Variants in FCRL5 observed in about 807,000 individuals in gnomAD.
FCRL5 encodes Fc receptor-like protein 5.
Under a neutral mutation model 92.1 loss-of-function variants are expected in FCRL5, and 79 were observed. The observed-to-expected ratio is 0.86, with a 90% CI of 0.72 to 1.03. FCRL5 has a LOEUF of 1.03. Among genes scored for constraint, FCRL5 ranks in the 50% least tolerant of loss-of-function variants. The probability of loss-of-function intolerance (pLI) is 0.00; values close to 1 mark genes in which losing one functional copy is unlikely to be tolerated. For missense variants in FCRL5, 1,160 were observed against 1,181.1 expected (o/e 0.98, Z 0.26); for synonymous variants, 466 against 469.3 (o/e 0.99, Z 0.09).
At position 157,544,539 on chromosome 1, in the gene FCRL5, A is replaced by T. The variant is rs1284317422; in HGVS notation, c.567T>A (p.Phe189Leu). The change falls in exon 5 of 17, where the codon TTT becomes TTA. Residue 189 changes from phenylalanine to leucine, a missense_variant. By Grantham distance (22) the Phe-to-Leu change is conservative (BLOSUM62 0). Transcript: ENST00000361835. ...AGCTGGCTCTCAGCACTGGACGTGT[A>T]AATGGCTCTAGAGAGAAGAATCACA... ...NTVKIQVQEP[F>L]TRPVLRASSF... 1.2e-6 allele frequency: 2 copies of T among 1,613,848 alleles called. No homozygotes were observed. The highest frequency in any genetic ancestry group is 1.7e-5 in the Admixed American group (1 of 60,034).
At chr1:157,516,558 A>G (rs1039012284) in intron 15 of FCRL5, among the ~76,000 whole-genome samples, 1 of 152,262 alleles carries the variant, frequency 6.6e-6, no homozygotes. Context: ...TATAAGTGCT[A>G]CAGGTATAGT....
Position 157,527,827 on chromosome 1 carries a change from C to G in FCRL5, c.1750G>C (p.Glu584Gln). The change falls in exon 9 of 17, where the codon GAG (glutamate) becomes CAG (glutamine). Residue 584 changes from glutamate to glutamine, a missense_variant. By Grantham distance (29) the Glu-to-Gln change is conservative. Coordinates refer to ENST00000361835, the MANE Select transcript of FCRL5 (RefSeq NM_031281.3). ...RAQAVVGDLL[E>Q]LHCEAPRGSP... is the part of the protein sequence containing the mutation. ...CCTCTCGGGGCCTCACAGTGAAGCT[C>G]CAGCAGGTCCCCCACCACAGCCTGG... 6.2e-7 allele frequency: 1 copy of G among 1,612,512 alleles called. No individual in the cohort carries two copies. The highest frequency in any genetic ancestry group is 8.5e-7 in the Non-Finnish European group (1 of 1,179,032).
intron 6 of FCRL5, among the ~76,000 whole-genome samples, chr1:157,540,599 C>A (rs1651216999): frequency 6.6e-6 from 1 of 151,584 alleles, no homozygotes; most frequent in Admixed American, 6.6e-5. Flanking sequence ...GTCGGTTTCT[C>A]CGCCTTTCTG....
chr1:157,528,699 G>T (rs1010122790), intron 8 of FCRL5: 1 of 152,122 alleles, frequency 6.6e-6, no homozygotes, highest in African/African-American at 2.4e-5. Flanking sequence ...AAACAAAAAT[G>T]TAAAGTGAGG....
intron 8 of FCRL5, 54 bp downstream of exon 8, chr1:157,534,560 G>A (rs1650856399): frequency 1.2e-6 from 2 of 1,603,966 alleles, no homozygotes; most frequent in African/African-American, 2.7e-5. Flanking sequence ...TTAAAGGAAT[G>A]GGTGAGAGAG....
In FCRL5 at chr1:157,521,277, G is replaced by T. The variant is rs187912514; in HGVS notation, c.2255C>A (p.Pro752Gln). 1.2e-6 allele frequency: 2 copies of T among 1,608,792 alleles called. No homozygotes were observed. The highest frequency in any genetic ancestry group is 2.7e-5 in the African/African-American group (2 of 74,588). The part of the protein sequence containing the change: ...TLKVAVPVSR[P>Q]VLTLRAPGTH... ...CCCGGGAGCCCTGAGGGTGAGGACC[G>T]GGCGAGACACCGGAACTGAAAGAGA... Residue 752 changes from proline (P) to glutamine (Q), a missense_variant, in exon 11 of 17, where the codon CCG (proline) becomes CAG (glutamine). Coordinates refer to ENST00000361835, the MANE Select transcript of FCRL5 (RefSeq NM_031281.3).
intron 1 of FCRL5, among the ~76,000 whole-genome samples, chr1:157,550,508 C>G (rs1651765799): frequency 6.6e-6 from 1 of 152,116 alleles, no homozygotes; most frequent in Admixed American, 6.5e-5. Context: ...TTATTTAGAC[C>G]TGATGCTCAG....
chr1:157,523,920 C>T (rs772804030), intron 10 of FCRL5: 11 of 341,244 alleles, frequency 3.2e-5, no homozygotes, highest in South Asian at 1.1e-4. Flanking sequence ...GAGAAGAATC[C>T]GGACAAGAAA....
intron 2 of FCRL5, among the ~76,000 whole-genome samples, 160 bp downstream of exon 2, chr1:157,549,400 C>G (rs1241922352): frequency 1.3e-5 from 2 of 151,928 alleles, no homozygotes; most frequent in African/African-American, 4.8e-5. Context: ...CAAACCTGCA[C>G]GTTGTGCACA....
rs1186571189 is a variant in FCRL5 at position 157,514,982 on chromosome 1, G to A, written c.*693C>T. Reference sequence around the variant, plus strand: ...TGGTCCTCCTGGCCTTGACTTGCTGGGTTACTTCTGTTAGGATGGGAAGAA... The same window carrying A: ...TGGTCCTCCTGGCCTTGACTTGCTGAGTTACTTCTGTTAGGATGGGAAGAA... On this transcript the variant is annotated 3_prime_UTR_variant, in exon 17 of 17. Coordinates refer to ENST00000361835, the MANE Select transcript of FCRL5 (RefSeq NM_031281.3). The A allele has an allele frequency of 6.5e-6, 1 of 153,860 alleles. No individual in the cohort carries two copies. Among genetic ancestry groups the A allele is most frequent in the Admixed American group, 6.4e-5 (1 of 15,594 alleles). 9.5% of individuals were successfully genotyped at this position (153,860 alleles called of 1,614,324 possible). A position where few individuals can be genotyped will look rare whatever the true frequency, so the allele number is the denominator to read the frequency against.
intron 7 of FCRL5, 94 bp downstream of exon 7, chr1:157,538,990 CAG>C: frequency 3.0e-6 from 4 of 1,336,118 alleles, no homozygotes; most frequent in South Asian, 2.8e-5. Flanking sequence ...AAGAAAGAAA[CAG>C]AGGATACTAG....
intron 2 of FCRL5, 21 bp from the exon 3 acceptor site, chr1:157,547,218 G>A (rs781286417): frequency 1.2e-6 from 2 of 1,612,180 alleles, no homozygotes; most frequent in Non-Finnish European, 1.7e-6. Context: ...AAGAGAAAAG[G>A]AGTCTGAGGT....
intron 8 of FCRL5, among the ~76,000 whole-genome samples, chr1:157,531,716 G>T (rs1650705239): frequency 6.6e-6 from 1 of 152,094 alleles, no homozygotes; most frequent in African/African-American, 2.4e-5. Context: ...AATTATCCAG[G>T]CACAGAGAGA....
At chr1:157,538,459 G>C (rs534687801) in intron 7 of FCRL5, among the ~76,000 whole-genome samples, 2 of 152,312 alleles carry the variant, frequency 1.3e-5, no homozygotes, top group Admixed American at 1.3e-4. Flanking sequence ...CCTTTTTGAT[G>C]TCATAACTAT....
In FCRL5 at chr1:157,527,635, T is replaced by C. The variant is rs764389459; in HGVS notation, c.1942A>G (p.Ile648Val). 1.2e-6 allele frequency: 2 copies of C among 1,610,382 alleles called. No individual in the cohort carries two copies. The highest frequency in any genetic ancestry group is 1.3e-5 in the African/African-American group (1 of 74,844). Residue 648 changes from isoleucine (I) to valine (V), a missense_variant, in exon 9 of 17, where the codon ATA becomes GTA. By Grantham distance (29) the Ile-to-Val change is conservative (BLOSUM62 3). Coordinates refer to ENST00000361835, the MANE Select transcript of FCRL5 (RefSeq NM_031281.3). ...NGLVAQHSDTISLSVIVPVSR... is the reference protein window; with the variant it reads ...NGLVAQHSDTVSLSVIVPVSR... Reference sequence around the variant, plus strand: ...AACTTACCTATAACACTGAGTGATATTGTGTCACTGTGCTGGGCCACTAGG... The same window carrying C: ...AACTTACCTATAACACTGAGTGATACTGTGTCACTGTGCTGGGCCACTAGG...
chr1:157,543,236 T>G, intron 5 of FCRL5, 99 bp from the exon 6 acceptor site: 3 of 1,207,098 alleles, frequency 2.5e-6, no homozygotes, highest in Non-Finnish European at 1.2e-6. Flanking sequence ...TCTCCACCCT[T>G]AACTTGCTGC....
chr1:157,535,189 C>G (rs1650912084), intron 7 of FCRL5, among the ~76,000 whole-genome samples: 1 of 152,190 alleles, frequency 6.6e-6, no homozygotes, highest in Non-Finnish European at 1.5e-5. Flanking sequence ...CCTTGTCTTG[C>G]CACCACCAGA....
In FCRL5 at chr1:157,545,052, A is replaced by G; in HGVS notation, c.338T>C (p.Val113Ala). The G allele has an allele frequency of 6.2e-7, 1 of 1,612,784 alleles. No individual in the cohort carries two copies. Among genetic ancestry groups the G allele is most frequent in the Non-Finnish European group, 8.5e-7 (1 of 1,180,022 alleles). Residue 113 changes from valine (V) to alanine (A), a missense_variant, in exon 4 of 17, where the codon GTG becomes GCG. Transcript: ENST00000361835. ...ASLILQAPLSVFEGDSVVLRC... is the reference protein window; with the variant it reads ...ASLILQAPLSAFEGDSVVLRC... ...CAGAACCACAGAGTCTCCTTCAAACACAGAAAGTGGAGCTTGCAGGATCAG... is the reference window on the plus strand; with the variant it reads ...CAGAACCACAGAGTCTCCTTCAAACGCAGAAAGTGGAGCTTGCAGGATCAG...
At chr1:157,546,257 G>C in intron 3 of FCRL5, 1 of 454,162 alleles carries the variant, frequency 2.2e-6, no homozygotes, top group Non-Finnish European at 4.4e-6. Flanking sequence ...ACATTAGCCT[G>C]GGCAGCATGA....
Sources: allele counts gnomAD v4.1 joint callset (sites outside exome capture counted in the v4.1 genomes callset), GRCh38; gene constraint gnomAD v4.1.1; transcripts MANE v1.5; gene names NCBI Gene and HGNC (gene_info 2026-07-23, HGNC 2026-07-21).